COL19A1: variants seen among roughly 807,000 people sequenced by gnomAD.
COL19A1 encodes the protein collagen alpha-1(XIX) chain.
Under a neutral mutation model 190.2 loss-of-function variants are expected in COL19A1, and 159 were observed. That is an observed-to-expected ratio of 0.84 (90% CI 0.73 to 0.95). The LOEUF (loss-of-function observed/expected upper bound fraction) is 0.95. COL19A1 is among the 40% of genes least tolerant of loss of function. COL19A1 has a pLI of 0.00. For synonymous variants in COL19A1, 509 were observed against 458.9 expected (o/e 1.11, Z -1.39); for missense variants, 1,418 against 1,431.9 (o/e 0.99, Z 0.16).
At chr6:69,900,106 A>G in intron 3 of COL19A1, 133 bp from the exon 4 acceptor site, 1 of 456,572 alleles carries the variant, frequency 2.2e-6, no homozygotes. Flanking sequence ...AAAATCAAGA[A>G]ATTTTGCTGA....
intron 16 of COL19A1, among the ~76,000 whole-genome samples, chr6:70,119,544 G>A (rs915120418): frequency 2.6e-5 from 4 of 152,162 alleles, no homozygotes; most frequent in African/African-American, 9.7e-5. Context: ...TACTGCAAAA[G>A]TGATTTTTGG....
At chr6:69,893,798 A>G (rs1230758648) in intron 2 of COL19A1, among the ~76,000 whole-genome samples, 1 of 152,070 alleles carries the variant, frequency 6.6e-6, no homozygotes, top group Non-Finnish European at 1.5e-5. Flanking sequence ...ACATTTTACA[A>G]CTCTGCAATC....
chr6:69,975,854 G>T (rs1410391182), intron 11 of COL19A1, among the ~76,000 whole-genome samples: 2 of 152,006 alleles, frequency 1.3e-5, no homozygotes, highest in Non-Finnish European at 2.9e-5. Context: ...TAGAATGAGC[G>T]TATTTATTTA....
chr6:70,069,241 G>A (rs1250860480), intron 15 of COL19A1, among the ~76,000 whole-genome samples: 2 of 152,052 alleles, frequency 1.3e-5, no homozygotes, highest in Admixed American at 1.3e-4. Context: ...TTTAGATGAT[G>A]TGCCTAAACT....
chr6:69,964,323 A>AT (rs1774971284), intron 11 of COL19A1, among the ~76,000 whole-genome samples: 1 of 152,170 alleles, frequency 6.6e-6, no homozygotes, highest in Admixed American at 6.5e-5. Context: ...TTTAAGGTGA[A>AT]TATCTTTTCT....
chr6:69,886,661 A>G (rs1445644703), intron 2 of COL19A1, among the ~76,000 whole-genome samples: 2 of 151,688 alleles, frequency 1.3e-5, no homozygotes, highest in African/African-American at 4.8e-5. Context: ...TACTTTTGCT[A>G]TAGTCCAGAG....
chr6:70,089,871 T>C (rs1390605561), intron 15 of COL19A1, among the ~76,000 whole-genome samples: 4 of 152,202 alleles, frequency 2.6e-5, no homozygotes, highest in African/African-American at 9.6e-5. Context: ...CACTTCCTTA[T>C]ACTGTATATC....
chr6:69,930,116 T>A (rs1772657965), intron 6 of COL19A1, among the ~76,000 whole-genome samples: 1 of 152,232 alleles, frequency 6.6e-6, no homozygotes, highest in Non-Finnish European at 1.5e-5. Context: ...AGACTATTCA[T>A]CCTTACAATA....
intron 15 of COL19A1, among the ~76,000 whole-genome samples, chr6:70,095,196 T>G (rs543406311): frequency 2.7e-4 from 41 of 152,338 alleles, no homozygotes; most frequent in African/African-American, 9.6e-4. Context: ...TTGCATGTAG[T>G]TCAATTTCAT....
chr6:70,122,620 A>G (rs765607803), intron 17 of COL19A1, among the ~76,000 whole-genome samples: 1 of 152,174 alleles, frequency 6.6e-6, no homozygotes, highest in Non-Finnish European at 1.5e-5. Context: ...CTGTCCACTG[A>G]TTAGGATACC....
At chr6:70,088,620 C>A (rs2150172461) in intron 15 of COL19A1, among the ~76,000 whole-genome samples, 1 of 152,238 alleles carries the variant, frequency 6.6e-6, no homozygotes, top group East Asian at 1.9e-4. Flanking sequence ...CTTGAAAATA[C>A]TGGTGAACTA....
intron 4 of COL19A1, among the ~76,000 whole-genome samples, chr6:69,900,945 A>G (rs1177339937): frequency 5.3e-5 from 8 of 152,196 alleles, no homozygotes; most frequent in Non-Finnish European, 7.3e-5. Flanking sequence ...TTTCCATTCA[A>G]ATAGTGACAA....
intron 4 of COL19A1, among the ~76,000 whole-genome samples, chr6:69,905,350 C>T (rs9446170): frequency 0.091 from 13,862 of 152,180 alleles, 740 homozygotes; most frequent in East Asian, 0.2. Flanking sequence ...TCAAACTGTT[C>T]GCTCTGTCTT....
At chr6:70,169,474 TAGTACA>T (rs539114397) in intron 40 of COL19A1, among the ~76,000 whole-genome samples, 13 of 152,204 alleles carry the variant, frequency 8.5e-5, no homozygotes, top group Non-Finnish European at 1.8e-4. Flanking sequence ...CTTTTCATTA[TAGTACA>T]GTTTGTTAAA....
At chr6:70,086,994 G>GT (rs35133152) in intron 15 of COL19A1, among the ~76,000 whole-genome samples, 7 of 151,658 alleles carry the variant, frequency 4.6e-5, no homozygotes, top group East Asian at 1.9e-4. Flanking sequence ...TGTACCATGT[G>GT]TTTTTTTTTA....
At chr6:69,985,811 A>G (rs1229747603) in intron 11 of COL19A1, among the ~76,000 whole-genome samples, 1 of 152,176 alleles carries the variant, frequency 6.6e-6, no homozygotes, top group African/African-American at 2.4e-5. Flanking sequence ...ATAGTCTAGT[A>G]GTGTGTGTAA....
At chr6:70,069,320 A>C (rs1490857231) in intron 15 of COL19A1, among the ~76,000 whole-genome samples, 1 of 152,084 alleles carries the variant, frequency 6.6e-6, no homozygotes, top group Admixed American at 6.6e-5. Context: ...AGACATTCTC[A>C]TTTATTATTC....
chr6:69,994,368 C>T (rs1340319677), intron 11 of COL19A1, among the ~76,000 whole-genome samples: 1 of 152,030 alleles, frequency 6.6e-6, no homozygotes, highest in Non-Finnish European at 1.5e-5. Context: ...TGCTCTAATC[C>T]ATGTATCCTG....
chr6:70,146,693 G>A lies in COL19A1; in HGVS notation c.1805G>A (p.Arg602His), dbSNP rs147151431. The change falls in exon 26 of 51, where the codon CGT becomes CAT. Residue 602 changes from arginine (R) to histidine (H), a missense_variant. Physicochemically the swap from Arg to His is conservative, Grantham distance 29. Transcript: ENST00000620364. ...GGAAATCCTGGAGCACCTGGTCCAC[G>A]TGGGCCAAAGGTATACAAATATTAT... ...LDGNPGAPGP[R>H]GPKGERGLPG... 205 of 1,606,456 alleles carry A rather than the reference G, an allele frequency of 1.3e-4. No individual in the cohort carries two copies. Among genetic ancestry groups the A allele is most frequent in the Middle Eastern group, 8.4e-4 (5 of 5,946 alleles).
Sources: gnomAD v4.1 joint callset for allele counts (sites outside exome capture counted in the v4.1 genomes callset) on GRCh38, gnomAD v4.1.1 for gene constraint, MANE v1.5 for transcripts, NCBI Gene and HGNC (gene_info 2026-07-23, HGNC 2026-07-21) for gene names.